The following NAALADL2 variants were observed in gnomAD, a reference collection of about 807,000 sequenced individuals.
NAALADL2 encodes the protein inactive N-acetylated-alpha-linked acidic dipeptidase-like protein 2.
NAALADL2 carries 76 observed loss-of-function variants against 87.2 expected under a neutral mutation model. That is an observed-to-expected ratio of 0.87 (90% CI 0.72 to 1.05). NAALADL2 has a LOEUF of 1.05. Among genes scored for constraint, NAALADL2 ranks in the 50% least tolerant of loss-of-function variants. The pLI is 0.00. For missense variants in NAALADL2, 1,089 were observed against 945.8 expected (o/e 1.15, Z -1.99); for synonymous variants, 354 against 331.0 (o/e 1.07, Z -0.75).
intron 1 of NAALADL2, among the ~76,000 whole-genome samples, chr3:175,027,035 T>C (rs952330597): frequency 1.3e-5 from 2 of 152,066 alleles, no homozygotes; most frequent in Admixed American, 6.6e-5. Context: ...CCTGTTACTG[T>C]TAAGGGTGAA....
At chr3:175,302,697 G>C (rs59712389) in intron 4 of NAALADL2, among the ~76,000 whole-genome samples, 1 of 151,914 alleles carries the variant, frequency 6.6e-6, no homozygotes, top group Non-Finnish European at 1.5e-5. Flanking sequence ...AGTACAGTAT[G>C]TTAAAAATAG....
intron 1 of NAALADL2, among the ~76,000 whole-genome samples, chr3:175,007,417 C>T (rs1178922289): frequency 6.6e-6 from 1 of 152,132 alleles, no homozygotes; most frequent in Non-Finnish European, 1.5e-5. Flanking sequence ...GGGCTATCTT[C>T]AGGCATGGGA....
intron 1 of NAALADL2, among the ~76,000 whole-genome samples, chr3:174,472,603 C>T (rs1013823728): frequency 1.3e-5 from 2 of 152,156 alleles, no homozygotes; most frequent in African/African-American, 2.4e-5. Context: ...AGTGTGAGGA[C>T]AAAATTATTG....
chr3:175,570,414 A>T (rs780357517), intron 9 of NAALADL2, among the ~76,000 whole-genome samples: 2 of 152,198 alleles, frequency 1.3e-5, no homozygotes, highest in Non-Finnish European at 2.9e-5. Flanking sequence ...AGCCAAGTTG[A>T]CACTTAAAAT....
chr3:175,735,778 G>T (rs1017044904), intron 11 of NAALADL2, among the ~76,000 whole-genome samples: 1 of 152,028 alleles, frequency 6.6e-6, no homozygotes, highest in Non-Finnish European at 1.5e-5. Flanking sequence ...ATGAAATTTG[G>T]GTGGGGACAC....
intron 2 of NAALADL2, among the ~76,000 whole-genome samples, chr3:174,732,528 T>C (rs1350513545): frequency 6.6e-6 from 1 of 152,154 alleles, no homozygotes; most frequent in African/African-American, 2.4e-5. Context: ...AACACAGTGA[T>C]AGATCCTGAG....
intron 1 of NAALADL2, among the ~76,000 whole-genome samples, chr3:174,892,998 A>T (rs1731052450): frequency 6.6e-6 from 1 of 152,022 alleles, no homozygotes; most frequent in African/African-American, 2.4e-5. Context: ...AACTCAACAC[A>T]TTTAATAATC....
At chr3:175,510,667 G>A (rs1208415584) in intron 9 of NAALADL2, among the ~76,000 whole-genome samples, 1 of 152,294 alleles carries the variant, frequency 6.6e-6, no homozygotes, top group Middle Eastern at 3.4e-3. Flanking sequence ...GAGACACTCA[G>A]AGAAGTTAAA....
At chr3:175,119,805 A>G (rs1336474401) in intron 2 of NAALADL2, among the ~76,000 whole-genome samples, 3 of 96,216 alleles carry the variant, frequency 3.1e-5, no homozygotes, top group Non-Finnish European at 4.4e-5. Flanking sequence ...ATACTTATGT[A>G]TCTATATATA....
rs140161144 is a variant in NAALADL2 at position 174,994,674 on chromosome 3, C to T, written c.44-102116C>T. Among the ~76,000 whole-genome samples the T allele has an allele frequency of 4.3e-3, 658 of 152,098 alleles. 11 individuals are homozygous for T. The highest frequency in any genetic ancestry group is 2.8e-3 in the Non-Finnish European group (190 of 67,986). Reference sequence around the variant, plus strand: ...GCAATATGTAAGAGAATAGTAAAAACGACTGGTAATGGAGACCAGTTAACT... The same window carrying T: ...GCAATATGTAAGAGAATAGTAAAAATGACTGGTAATGGAGACCAGTTAACT... On this transcript the variant is annotated intron_variant, in intron 1 of 13. Coordinates refer to ENST00000454872, the MANE Select transcript of NAALADL2 (RefSeq NM_207015.3).
At chr3:174,736,694 A>G (rs997480400) in intron 2 of NAALADL2, among the ~76,000 whole-genome samples, 5 of 152,036 alleles carry the variant, frequency 3.3e-5, no homozygotes, top group African/African-American at 1.2e-4. Context: ...AAAGCACCAT[A>G]GTTCCCATTC....
intron 5 of NAALADL2, among the ~76,000 whole-genome samples, chr3:175,375,529 G>A (rs1767030225): frequency 1.3e-5 from 2 of 152,118 alleles, no homozygotes; most frequent in Admixed American, 6.5e-5. Context: ...ATATATTCTT[G>A]ATAATTGAAC....
intron 1 of NAALADL2, among the ~76,000 whole-genome samples, chr3:174,882,855 A>C (rs893649563): frequency 1.5e-5 from 2 of 137,760 alleles, no homozygotes; most frequent in Non-Finnish European, 3.0e-5. Context: ...ATATGTGTAT[A>C]TATACATATG....
At chr3:175,519,365 A>G (rs1277224017) in intron 9 of NAALADL2, among the ~76,000 whole-genome samples, 1 of 152,178 alleles carries the variant, frequency 6.6e-6, no homozygotes, top group Non-Finnish European at 1.5e-5. Context: ...AGGAGGGTGG[A>G]GAAAAACTTT....
At chr3:174,723,330 T>C (rs115488270) in intron 2 of NAALADL2, among the ~76,000 whole-genome samples, 2,083 of 152,300 alleles carry the variant, frequency 0.014, 12 homozygotes, top group Middle Eastern at 0.02. Context: ...CATGAGACTA[T>C]GTTGATAACA....
At chr3:175,541,572 T>C (rs1422526290) in intron 9 of NAALADL2, among the ~76,000 whole-genome samples, 1 of 152,232 alleles carries the variant, frequency 6.6e-6, no homozygotes, top group Non-Finnish European at 1.5e-5. Flanking sequence ...CATATCACTT[T>C]CACACCATCA....
chr3:175,040,088 T>C (rs1753890864), intron 1 of NAALADL2, among the ~76,000 whole-genome samples: 1 of 152,146 alleles, frequency 6.6e-6, no homozygotes. Context: ...AGCTCCAGTC[T>C]TGTGTCAATC....
chr3:174,658,039 T>C (rs527899716), intron 2 of NAALADL2, among the ~76,000 whole-genome samples: 15 of 152,334 alleles, frequency 9.8e-5, no homozygotes, highest in South Asian at 2.1e-4. Context: ...CTGAAGGATA[T>C]CTTGGTTGCC....
At chr3:174,860,673 G>T (rs1229760152) in intron 1 of NAALADL2, among the ~76,000 whole-genome samples, 1 of 152,010 alleles carries the variant, frequency 6.6e-6, no homozygotes, top group Non-Finnish European at 1.5e-5. Flanking sequence ...GGCTGTGTGG[G>T]TGCATCACCT....
Sources: gnomAD v4.1 joint callset for allele counts (sites outside exome capture counted in the v4.1 genomes callset) on GRCh38, gnomAD v4.1.1 for gene constraint, MANE v1.5 for transcripts, NCBI Gene and HGNC (gene_info 2026-07-23, HGNC 2026-07-21) for gene names.